The following CD1B variants were observed in gnomAD, a reference collection of about 807,000 sequenced individuals.
CD1B encodes the protein T-cell surface glycoprotein CD1b.
Under a neutral mutation model 39.8 loss-of-function variants are expected in CD1B, and 43 were observed. The ratio of observed to expected loss-of-function variants is 1.08; its 90% CI spans 0.85 to 1.39. The LOEUF (loss-of-function observed/expected upper bound fraction) is 1.39. Among genes scored for constraint, CD1B ranks in the 40% most tolerant of loss-of-function variants. The probability of loss-of-function intolerance (pLI) is 0.00; values close to 1 mark genes in which losing one functional copy is unlikely to be tolerated. For synonymous variants in CD1B, 192 were observed against 152.5 expected (o/e 1.26, Z -1.91); for missense variants, 495 against 403.8 (o/e 1.23, Z -1.94).
At chr1:158,324,238 C>G (rs1474491538), downstream of CD1B, among the ~76,000 whole-genome samples, 1 of 152,156 alleles carries the variant, frequency 6.6e-6, no homozygotes, top group African/African-American at 2.4e-5. Flanking sequence ...AGTTTGAAAC[C>G]TGCAGTATCA....
At chr1:158,320,586 A>T in the CD1B span, among the ~76,000 whole-genome samples, 34 of 152,180 alleles carry the variant, frequency 2.2e-4, no homozygotes, top group East Asian at 6.4e-3. Flanking sequence ...CGAACCCGGT[A>T]CCTCAGATGG....
chr1:158,292,536 T>C, the CD1B span: 173 of 1,560,114 alleles, frequency 1.1e-4, no homozygotes, highest in Middle Eastern at 1.5e-3. Flanking sequence ...TGGATGTGTG[T>C]ATGTGGATGT....
chr1:158,317,644 T>C, the CD1B span, among the ~76,000 whole-genome samples: 1 of 152,160 alleles, frequency 6.6e-6, no homozygotes, highest in Non-Finnish European at 1.5e-5. Flanking sequence ...TTTGAAGGGT[T>C]TTTGTGTCTC....
At chr1:158,296,641 G>C in the CD1B span, among the ~76,000 whole-genome samples, 1 of 152,124 alleles carries the variant, frequency 6.6e-6, no homozygotes, top group Non-Finnish European at 1.5e-5. Flanking sequence ...AATCTGGATG[G>C]CAATGAAAAT....
the CD1B span, among the ~76,000 whole-genome samples, chr1:158,321,276 TAC>T: frequency 3.2e-4 from 48 of 152,362 alleles, no homozygotes; most frequent in African/African-American, 1.1e-3. Flanking sequence ...TGTCTTTTTT[TAC>T]AGTTTTTTTG....
At chr1:158,295,985 C>G in the CD1B span, among the ~76,000 whole-genome samples, 3 of 152,208 alleles carry the variant, frequency 2.0e-5, no homozygotes, top group Admixed American at 2.0e-4. Flanking sequence ...AGCCTACATG[C>G]GTGCATGTAC....
At chr1:158,294,710 A>T in the CD1B span, among the ~76,000 whole-genome samples, 2 of 152,206 alleles carry the variant, frequency 1.3e-5, no homozygotes, top group African/African-American at 2.4e-5. Context: ...ACTTTATGTC[A>T]CTTAAGCTTA....
the CD1B span, chr1:158,293,255 G>A: frequency 6.2e-7 from 1 of 1,614,016 alleles, no homozygotes; most frequent in African/African-American, 1.3e-5. Context: ...TAGTGATAGT[G>A]CCCTTGGTGA....
chr1:158,320,159 G>T, the CD1B span, among the ~76,000 whole-genome samples: 32 of 152,346 alleles, frequency 2.1e-4, 1 homozygote, highest in East Asian at 6.2e-3. Flanking sequence ...AGGCAGGCAG[G>T]CCTCCTTGAG....
rs1557821093 is a variant in CD1B, at chr1:158,328,959, G to C, written c.942C>G (p.Leu314=). ...ACCATAATGCAAGGCATAGCAAAAG[G>C]AGCAAGGAAGGCACTATTATTGCCA... The part of the protein sequence containing the change: ...IVLAIIVPSL[L]LLLCLALWYM... Residue 314 remains leucine, a synonymous_variant, in exon 5 of 6, where the codon CTC becomes CTG. Transcript: ENST00000368168. 22 of 1,613,708 alleles carry C rather than the reference G, an allele frequency of 1.4e-5. No individual in the cohort carries two copies. The highest frequency in any genetic ancestry group is 1.9e-5 in the Non-Finnish European group (22 of 1,179,878).
At chr1:158,294,047 C>A in the CD1B span, among the ~76,000 whole-genome samples, 1 of 152,190 alleles carries the variant, frequency 6.6e-6, no homozygotes, top group African/African-American at 2.4e-5. Flanking sequence ...CCCTCATTTT[C>A]TCCTTAAACA....
chr1:158,306,671 T>G, the CD1B span, among the ~76,000 whole-genome samples: 2 of 152,120 alleles, frequency 1.3e-5, no homozygotes, highest in Non-Finnish European at 2.9e-5. Context: ...ATTGACCACA[T>G]AGTTGGAAGT....
the CD1B span, among the ~76,000 whole-genome samples, chr1:158,313,996 T>C: frequency 6.6e-6 from 1 of 152,158 alleles, no homozygotes; most frequent in Admixed American, 6.5e-5. Flanking sequence ...ATTTATATTA[T>C]ATTATTTGTA....
the CD1B span, among the ~76,000 whole-genome samples, chr1:158,303,172 AC>A: frequency 2.6e-5 from 4 of 152,214 alleles, no homozygotes; most frequent in Admixed American, 6.5e-5. Flanking sequence ...AGAACTAAAA[AC>A]AAAAAACACA....
At position 158,329,493 on chromosome 1, in the gene CD1B, G is replaced by A; in HGVS notation, c.763C>T (p.Pro255Ser). 1 of 1,614,142 alleles carries A rather than the reference G, an allele frequency of 6.2e-7. No individual in the cohort carries two copies. Among genetic ancestry groups the A allele is most frequent in the Non-Finnish European group, 8.5e-7 (1 of 1,180,026 alleles). ...AGATACCATGTCCAGTTAGCATTGG[G>A]CAGGATGTCCCCTAGCTGAGTGCCC... The part of the protein sequence containing the change: ...QQGTQLGDIL[P>S]NANWTWYLRA... Residue 255 changes from proline to serine, a missense_variant, in exon 4 of 6, where the codon CCC becomes TCC. Physicochemically the swap from Pro to Ser is moderately conservative, Grantham distance 74. Transcript: ENST00000368168.
the CD1B span, chr1:158,291,145 C>G: frequency 6.2e-7 from 1 of 1,612,226 alleles, no homozygotes; most frequent in Non-Finnish European, 8.5e-7. Context: ...ATCCCAGGAA[C>G]ACGTCTCCTT....
At chr1:158,291,050 G>C in the CD1B span, 1 of 1,388,406 alleles carries the variant, frequency 7.2e-7, no homozygotes, top group Non-Finnish European at 9.8e-7. Flanking sequence ...TGTGGTAACT[G>C]GTTCACCTTC....
At chr1:158,302,698 A>G in the CD1B span, among the ~76,000 whole-genome samples, 1 of 152,160 alleles carries the variant, frequency 6.6e-6, no homozygotes, top group Non-Finnish European at 1.5e-5. Flanking sequence ...GAAATGGAAA[A>G]ATTCTTGAAA....
the CD1B span, chr1:158,292,664 G>A: frequency 1.9e-6 from 3 of 1,613,850 alleles, no homozygotes; most frequent in Admixed American, 5.0e-5. Context: ...GGTTTGTCAT[G>A]CCTCCGGCTT....
Sources: allele counts gnomAD v4.1 joint callset (sites outside exome capture counted in the v4.1 genomes callset), GRCh38; gene constraint gnomAD v4.1.1; transcripts MANE v1.5; gene names NCBI Gene and HGNC (gene_info 2026-07-23, HGNC 2026-07-21).